EEFSEC: variants seen among roughly 807,000 people sequenced by gnomAD.
EEFSEC encodes selenocysteine-specific elongation factor.
EEFSEC carries 43 observed loss-of-function variants against 42.1 expected under a neutral mutation model. The ratio of observed to expected loss-of-function variants is 1.02; its 90% confidence interval spans 0.80 to 1.32. EEFSEC has a LOEUF of 1.32. Ranked by LOEUF, EEFSEC falls within the 40% of genes most tolerant of loss-of-function variation. The pLI, the probability that EEFSEC is intolerant of heterozygous loss-of-function variation, is 0.00. For synonymous variants in EEFSEC, 354 were observed against 339.1 expected (o/e 1.04, Z -0.48); for missense variants, 745 against 803.6 (o/e 0.93, Z 0.88).
At chr3:128,245,835 G>C (rs147416249) in intron 1 of EEFSEC, among the ~76,000 whole-genome samples, 60 of 152,070 alleles carry the variant, frequency 3.9e-4, no homozygotes, top group African/African-American at 1.4e-3. Flanking sequence ...AAAAAGAAAG[G>C]CCCTCCCTCC....
chr3:128,341,804 G>A lies in EEFSEC; in HGVS notation c.1358G>A (p.Gly453Glu). The change falls in exon 5 of 7, where the codon GGG (glycine) becomes GAG (glutamate). Residue 453 changes from glycine (G) to glutamate (E), a missense_variant. Coordinates refer to ENST00000254730, the MANE Select transcript of EEFSEC (RefSeq NM_021937.5). ...RLAFHGILLHGLEDRNYADSF... is the reference protein window; with the variant it reads ...RLAFHGILLHELEDRNYADSF... ...GCCTTCCATGGCATCCTGCTCCACGGGCTAGAGGACAGGAACTACGCCGAC... is the reference window on the plus strand; with the variant it reads ...GCCTTCCATGGCATCCTGCTCCACGAGCTAGAGGACAGGAACTACGCCGAC... 1 of 1,614,106 alleles carries A rather than the reference G, an allele frequency of 6.2e-7. No homozygotes were observed. The highest frequency in any genetic ancestry group is 1.3e-5 in the African/African-American group (1 of 75,068).
the EEFSEC span, among the ~76,000 whole-genome samples, chr3:128,415,331 GC>G: frequency 2.0e-5 from 3 of 152,142 alleles, no homozygotes; most frequent in Non-Finnish European, 4.4e-5. Flanking sequence ...TGCTTGAGAT[GC>G]CCATGGGCCA....
chr3:128,327,519 C>T (rs149835294), intron 4 of EEFSEC, among the ~76,000 whole-genome samples: 215 of 152,322 alleles, frequency 1.4e-3, no homozygotes, highest in African/African-American at 4.7e-3. Flanking sequence ...ATCCCAAGGC[C>T]AGCACATGGC....
chr3:128,313,635 C>T (rs1037312390), intron 4 of EEFSEC, among the ~76,000 whole-genome samples: 4 of 152,214 alleles, frequency 2.6e-5, no homozygotes, highest in Admixed American at 6.5e-5. Flanking sequence ...AAGTCAGGCT[C>T]TTGGCATCTC....
At chr3:128,172,069 A>C (rs1418982666) in intron 1 of EEFSEC, among the ~76,000 whole-genome samples, 1 of 152,194 alleles carries the variant, frequency 6.6e-6, no homozygotes, top group East Asian at 1.9e-4. Context: ...GGGGTCCTCA[A>C]ATCAATCCCC....
chr3:128,300,918 A>ATTT (rs11368911), intron 4 of EEFSEC, among the ~76,000 whole-genome samples: 8 of 150,940 alleles, frequency 5.3e-5, no homozygotes, highest in African/African-American at 1.5e-4. Context: ...ATGCTTGGGT[A>ATTT]TTTTTTTTTG....
intron 4 of EEFSEC, among the ~76,000 whole-genome samples, chr3:128,325,774 G>T (rs2067057360): frequency 1.3e-5 from 2 of 152,022 alleles, no homozygotes; most frequent in Admixed American, 6.5e-5. Context: ...TTGATTATTG[G>T]TTCAGTATTA....
chr3:128,400,777 C>G (rs547823561), intron 6 of EEFSEC, among the ~76,000 whole-genome samples: 7 of 152,232 alleles, frequency 4.6e-5, no homozygotes, highest in Admixed American at 2.0e-4. Context: ...CAGGGCGGCA[C>G]CATGGCTAGG....
Position 128,198,660 on chromosome 3 carries a change from G to T in EEFSEC, c.316+44837G>T, listed in dbSNP as rs532888908. On this transcript the variant is annotated intron_variant, in intron 1 of 6. Coordinates refer to ENST00000254730, the MANE Select transcript of EEFSEC (RefSeq NM_021937.5). ...CTGGGGACATTCCTTTCTGAAGAAG[G>T]CTCCTTGCATACAAAAAGAATGGTC... is the stretch of plus-strand genomic sequence containing the variant. Among the ~76,000 whole-genome samples, 4 of 152,240 alleles carry T rather than the reference G, an allele frequency of 2.6e-5. No individual in the cohort carries two copies. The South Asian group carries it at 8.3e-4, about 32-fold the overall frequency.
intron 1 of EEFSEC, among the ~76,000 whole-genome samples, chr3:128,154,772 T>C (rs973098487): frequency 6.6e-6 from 1 of 152,200 alleles, no homozygotes; most frequent in Non-Finnish European, 1.5e-5. Context: ...TCTGAACAAA[T>C]CTTTTAATGA....
chr3:128,321,858 G>T (rs1212118010), intron 4 of EEFSEC, among the ~76,000 whole-genome samples: 1 of 152,210 alleles, frequency 6.6e-6, no homozygotes, highest in Non-Finnish European at 1.5e-5. Context: ...CTGACCTGAG[G>T]AGCAGCCTCT....
In EEFSEC at chr3:128,219,774, G is replaced by GA. The variant is rs63599162; in HGVS notation, c.317-27050dup. On this transcript the variant is annotated intron_variant, in intron 1 of 6. Transcript: ENST00000254730. ...AGTGCTTGGCATGTAATAGACACTA[G>GA]AAAAAAAAAAAAGAAAAAAACTCTT... 7.7e-4 allele frequency among the ~76,000 whole-genome samples: 102 copies of GA among 133,092 alleles called. 1 individual carries two copies. In the Middle Eastern group the frequency reaches 0.011, roughly 15 times the overall value. The allele number at this position is 133,092 out of a possible 152,430, so 87.3% of individuals were successfully genotyped here.
At chr3:128,362,976 G>A (rs1277128331) in intron 6 of EEFSEC, among the ~76,000 whole-genome samples, 1 of 151,812 alleles carries the variant, frequency 6.6e-6, no homozygotes, top group Non-Finnish European at 1.5e-5. Flanking sequence ...CTCCAGATGA[G>A]AAAAAGAAAA....
intron 6 of EEFSEC, among the ~76,000 whole-genome samples, chr3:128,397,368 C>T (rs1339161003): frequency 6.6e-6 from 1 of 152,244 alleles, no homozygotes; most frequent in Non-Finnish European, 1.5e-5. Flanking sequence ...GTTGTGACCC[C>T]AGGCAACCAC....
At chr3:128,369,697 A>AG (rs2067630673) in intron 6 of EEFSEC, among the ~76,000 whole-genome samples, 2 of 152,198 alleles carry the variant, frequency 1.3e-5, no homozygotes, top group Non-Finnish European at 2.9e-5. Flanking sequence ...CTCATCAGTA[A>AG]GGTGGGTTAT....
At chr3:128,162,042 A>G (rs2065194838) in intron 1 of EEFSEC, among the ~76,000 whole-genome samples, 1 of 152,246 alleles carries the variant, frequency 6.6e-6, no homozygotes. Context: ...GAATCTGTGT[A>G]GGAATATATT....
At chr3:128,290,128 G>C (rs576571251) in intron 4 of EEFSEC, among the ~76,000 whole-genome samples, 1 of 152,010 alleles carries the variant, frequency 6.6e-6, no homozygotes, top group South Asian at 2.1e-4. Context: ...TGCCTTTTGT[G>C]TCCTCTCTAG....
At chr3:128,356,999 A>T (rs1012651343) in intron 5 of EEFSEC, among the ~76,000 whole-genome samples, 42 of 152,364 alleles carry the variant, frequency 2.8e-4, no homozygotes, top group African/African-American at 9.1e-4. Flanking sequence ...CATCTTCTCC[A>T]GCAAGCACAT....
chr3:128,295,174 A>G (rs544711027), intron 4 of EEFSEC, among the ~76,000 whole-genome samples: 3 of 152,276 alleles, frequency 2.0e-5, no homozygotes, highest in South Asian at 4.1e-4. Flanking sequence ...GGCACCCCCA[A>G]AATGTTTTCT....
Sources: allele counts gnomAD v4.1 joint callset (sites outside exome capture counted in the v4.1 genomes callset), GRCh38; gene constraint gnomAD v4.1.1; transcripts MANE v1.5; gene names NCBI Gene and HGNC (gene_info 2026-07-23, HGNC 2026-07-21).